Variants in MAP3K19 observed in about 807,000 individuals in gnomAD.
MAP3K19 encodes SPS1/STE20-related protein kinase YSK4.
A neutral mutation model predicts 114.4 loss-of-function variants in MAP3K19; 91 were observed. The ratio of observed to expected loss-of-function variants is 0.80; its 90% confidence interval spans 0.67 to 0.95. MAP3K19 has a LOEUF of 0.95. Among genes scored for constraint, MAP3K19 ranks in the 40% least tolerant of loss-of-function variants. MAP3K19 has a pLI of 0.00. For synonymous variants in MAP3K19, 518 were observed against 530.5 expected (o/e 0.98, Z 0.32); for missense variants, 1,471 against 1,573.2 (o/e 0.94, Z 1.10).
Position 134,988,027 on chromosome 2 carries a change from C to T in MAP3K19, c.845G>A (p.Gly282Asp). 6.2e-7 allele frequency: 1 copy of T among 1,613,984 alleles called. No homozygotes were observed. Among genetic ancestry groups the T allele is most frequent in the Non-Finnish European group, 8.5e-7 (1 of 1,179,928 alleles). The part of the protein sequence containing the change: ...LMDPTLRSSD[G>D]FIWSRNMCSF... ...GCACATGTTTCTTGACCAAATGAAG[C>T]CATCAGAAGACCTGAGAGTCGGATC... The change falls in exon 10 of 13, where the codon GGC becomes GAC. Residue 282 changes from glycine to aspartate, a missense_variant. Transcript: ENST00000392915.
chr2:134,979,793 C>T (rs1684499720), intron 12 of MAP3K19, among the ~76,000 whole-genome samples: 1 of 152,026 alleles, frequency 6.6e-6, no homozygotes, highest in South Asian at 2.1e-4. Context: ...CCCATGTAAT[C>T]ATCCTGAAAT....
Position 134,986,621 on chromosome 2 carries a change from T to C in MAP3K19, c.2251A>G (p.Ser751Gly), listed in dbSNP as rs1685131322. Residue 751 changes from serine to glycine, a missense_variant, in exon 10 of 13, where the codon AGC becomes GGC. Ser to Gly is a moderately conservative substitution (Grantham distance 56, BLOSUM62 0). Coordinates refer to ENST00000392915, the MANE Select transcript of MAP3K19 (RefSeq NM_025052.5). The stretch of plus-strand genomic sequence containing the variant: ...CCATTTTCAATGTCATGTAGGTTGC[T>C]ATGTACAGCCTTGGAACTCTTTTCT... ...SKEKSSKAVHSNLHDIENGDG... is the reference protein window; with the variant it reads ...SKEKSSKAVHGNLHDIENGDG... 2 of 1,614,116 alleles carry C rather than the reference T, an allele frequency of 1.2e-6. No individual in the cohort carries two copies. Among genetic ancestry groups the C allele is most frequent in the Middle Eastern group, 1.6e-4 (1 of 6,084 alleles).
intron 5 of MAP3K19, among the ~76,000 whole-genome samples, chr2:135,008,306 A>G (rs951741323): frequency 2.6e-5 from 4 of 152,090 alleles, no homozygotes; most frequent in African/African-American, 4.8e-5. Flanking sequence ...TATTTTTAGT[A>G]GAGACGAGGT....
intron 12 of MAP3K19, among the ~76,000 whole-genome samples, chr2:134,972,932 A>G (rs909986798): frequency 6.6e-6 from 1 of 152,136 alleles, no homozygotes; most frequent in African/African-American, 2.4e-5. Context: ...CCATGTATTT[A>G]TACAGTTTCC....
At chr2:135,024,551 A>C in intron 4 of MAP3K19, 75 bp downstream of exon 4, 1 of 1,306,338 alleles carries the variant, frequency 7.7e-7, no homozygotes, top group East Asian at 2.3e-5. Context: ...TCCATCAAAC[A>C]GATGTAGAAA....
Position 134,988,193 on chromosome 2 carries a change from T to C in MAP3K19, c.679A>G (p.Asn227Asp). ...TCTTTTTCTTTTGGAAACTTGTGAT[T>C]TTGGGGGATAGTAAGGACACCAGAT... Reference protein sequence around the residue: ...TRSGVLTIPQNHKFPKEKERN... With the variant: ...TRSGVLTIPQDHKFPKEKERN... The change falls in exon 10 of 13, where the codon AAT (asparagine) becomes GAT (aspartate). Residue 227 changes from asparagine (N) to aspartate (D), a missense_variant. Asn to Asp is a conservative substitution (Grantham distance 23, BLOSUM62 1). Coordinates refer to ENST00000392915, the MANE Select transcript of MAP3K19 (RefSeq NM_025052.5). 6.2e-7 allele frequency: 1 copy of C among 1,611,684 alleles called. No homozygotes were observed. The highest frequency in any genetic ancestry group is 8.5e-7 in the Non-Finnish European group (1 of 1,179,168).
chr2:135,000,326 T>C (rs971533708), intron 6 of MAP3K19, among the ~76,000 whole-genome samples: 1 of 152,204 alleles, frequency 6.6e-6, no homozygotes, highest in Admixed American at 6.5e-5. Context: ...TAACGACACC[T>C]ATCTCCCAGA....
chr2:134,992,660 G>C (rs2105263154), intron 8 of MAP3K19, among the ~76,000 whole-genome samples: 1 of 150,602 alleles, frequency 6.6e-6, no homozygotes, highest in African/African-American at 2.4e-5. Flanking sequence ...TCCAAAAGAA[G>C]CCAGAGAGCT....
chr2:134,984,931 A>C lies in MAP3K19; in HGVS notation c.3072+869T>G, dbSNP rs1406611922. On this transcript the variant is annotated intron_variant, in intron 10 of 12. Coordinates refer to ENST00000392915, the MANE Select transcript of MAP3K19 (RefSeq NM_025052.5). ...CGCAGCACTGCGCTCCAGCCTGGGCAATAGAGCAAGACTCCATCTCAAAAA... is the reference window on the plus strand; with the variant it reads ...CGCAGCACTGCGCTCCAGCCTGGGCCATAGAGCAAGACTCCATCTCAAAAA... Among the ~76,000 whole-genome samples, 3 of 152,204 alleles carry C rather than the reference A, an allele frequency of 2.0e-5. 1 individual carries two copies. Among genetic ancestry groups the C allele is most frequent in the Non-Finnish European group, 4.4e-5 (3 of 68,024 alleles).
chr2:134,981,231 T>G lies in MAP3K19; in HGVS notation c.3510A>C (p.Ile1170=). The G allele has an allele frequency of 6.2e-7, 1 of 1,614,210 alleles. No individual in the cohort carries two copies. The highest frequency in any genetic ancestry group is 8.5e-7 in the Non-Finnish European group (1 of 1,180,044). ...EMVFCKYTKQ[I]LQGVAYLHEN... Reference sequence around the variant, plus strand: ...CATGGAGATAAGCAACACCTTGAAGTATTTGTTTCGTATATTTACAGAACA... The same window carrying G: ...CATGGAGATAAGCAACACCTTGAAGGATTTGTTTCGTATATTTACAGAACA... The change falls in exon 12 of 13, where the codon ATA becomes ATC. Residue 1170 remains isoleucine, a synonymous_variant. Coordinates refer to ENST00000392915, the MANE Select transcript of MAP3K19 (RefSeq NM_025052.5).
At chr2:135,002,639 G>A (rs933574033) in intron 6 of MAP3K19, among the ~76,000 whole-genome samples, 5 of 151,668 alleles carry the variant, frequency 3.3e-5, no homozygotes, top group Admixed American at 1.3e-4. Context: ...CTGTATTTCC[G>A]GCTTCCTGCG....
chr2:135,000,135 T>C, intron 6 of MAP3K19, 120 bp from the exon 7 acceptor site: 1 of 692,004 alleles, frequency 1.4e-6, no homozygotes, highest in Non-Finnish European at 2.6e-6. Flanking sequence ...TGGACATTAA[T>C]CAGGAGCTGA....
At position 134,987,636 on chromosome 2, in the gene MAP3K19, A is replaced by C; in HGVS notation, c.1236T>G (p.Asn412Lys). ...ITPSQDEEMRNNKAASKRVSL... is the reference protein window; with the variant it reads ...ITPSQDEEMRKNKAASKRVSL... ...AAACTCTTTTTGAAGCAGCTTTATT[A>C]TTTCTCATCTCTTCATCCTGGCTTG... The change falls in exon 10 of 13, where the codon AAT becomes AAG. Residue 412 changes from asparagine (N) to lysine (K), a missense_variant. By Grantham distance (94) the Asn-to-Lys change is moderately conservative. Transcript: ENST00000392915. 1.9e-6 allele frequency: 3 copies of C among 1,613,934 alleles called. No individual in the cohort carries two copies. The highest frequency in any genetic ancestry group is 2.5e-6 in the Non-Finnish European group (3 of 1,179,980).
rs1688189843 is a variant in MAP3K19 at position 135,024,728 on chromosome 2, A to G, written c.-81T>C. On this transcript the variant is annotated 5_prime_UTR_variant, in exon 4 of 13. Coordinates refer to ENST00000392915, the MANE Select transcript of MAP3K19 (RefSeq NM_025052.5). Reference sequence around the variant, plus strand: ...ATTGCTGATTTTCCACTAAAATCACAAAGTTTAGGATCTCTAGGAAGAACA... The same window carrying G: ...ATTGCTGATTTTCCACTAAAATCACGAAGTTTAGGATCTCTAGGAAGAACA... 7.4e-6 allele frequency: 9 copies of G among 1,214,806 alleles called. No individual in the cohort carries two copies. The highest frequency in any genetic ancestry group is 1.5e-5 in the African/African-American group (1 of 66,506). The allele number at this position is 1,214,806 out of a possible 1,614,324, so 75.3% of individuals were successfully genotyped here.
At position 134,986,393 on chromosome 2, in the gene MAP3K19, T is replaced by G. The variant is rs201238211; in HGVS notation, c.2479A>C (p.Asn827His). 6.2e-7 allele frequency: 1 copy of G among 1,613,930 alleles called. No homozygotes were observed. Among genetic ancestry groups the G allele is most frequent in the African/African-American group, 1.3e-5 (1 of 75,068 alleles). Residue 827 changes from asparagine (N) to histidine (H), a missense_variant, in exon 10 of 13, where the codon AAT becomes CAT. Asn to His is a moderately conservative substitution (Grantham distance 68). Transcript: ENST00000392915. The stretch of plus-strand genomic sequence containing the variant: ...CTGAGGCTTGTGGTGAGTATTTGAT[T>G]GTTAGAAATGTCTCTATCACCAGTA... ...ESTGDRDISN[N>H]QILTTSLRDL... is the part of the protein sequence containing the mutation.
chr2:135,021,896 T>C (rs1258960195), intron 4 of MAP3K19, 66 bp from the exon 5 acceptor site: 1 of 963,038 alleles, frequency 1.0e-6, no homozygotes, highest in Admixed American at 2.6e-5. Flanking sequence ...AAAGAAGATC[T>C]AGCTCTATGT....
intron 12 of MAP3K19, among the ~76,000 whole-genome samples, chr2:134,971,111 T>C (rs986224582): frequency 3.3e-5 from 5 of 152,232 alleles, no homozygotes; most frequent in Admixed American, 6.5e-5. Flanking sequence ...AGTTTGTTGA[T>C]AGTTTTTATC....
rs1239188231 is a variant in MAP3K19, at chr2:134,986,113, T to C, written c.2759A>G (p.Tyr920Cys). Residue 920 changes from tyrosine (Y) to cysteine (C), a missense_variant, in exon 10 of 13, where the codon TAT (tyrosine) becomes TGT (cysteine). Transcript: ENST00000392915. Reference sequence around the variant, plus strand: ...ATCCAAATAATGTACCCAATATTGATATGTCTGGGAAGATGCACTTTCTTG... The same window carrying C: ...ATCCAAATAATGTACCCAATATTGACATGTCTGGGAAGATGCACTTTCTTG... ...AKQESASSQT[Y>C]QYWVHYLDHD... The C allele has an allele frequency of 1.9e-6, 3 of 1,614,020 alleles. No homozygotes were observed. The highest frequency in any genetic ancestry group is 1.7e-5 in the Admixed American group (1 of 60,022).
chr2:135,010,247 T>C (rs968172417), intron 5 of MAP3K19, among the ~76,000 whole-genome samples: 1 of 152,146 alleles, frequency 6.6e-6, no homozygotes, highest in Non-Finnish European at 1.5e-5. Context: ...TGGAACAAAC[T>C]GAAAAACCAT....
Sources: allele counts gnomAD v4.1 joint callset (sites outside exome capture counted in the v4.1 genomes callset), GRCh38; gene constraint gnomAD v4.1.1; transcripts MANE v1.5; gene names NCBI Gene and HGNC (gene_info 2026-07-23, HGNC 2026-07-21).